Variants in CAND2 observed in about 807,000 individuals in gnomAD.
CAND2 encodes the protein cullin-associated NEDD8-dissociated protein 2.
A neutral mutation model predicts 98.9 loss-of-function variants in CAND2; 62 were observed. The ratio of observed to expected loss-of-function variants is 0.63; its 90% CI spans 0.51 to 0.77. CAND2 has a LOEUF of 0.77. Ranked by LOEUF, CAND2 falls within the 30% of genes least tolerant of loss-of-function variation. The pLI is 0.00. For synonymous variants in CAND2, 770 were observed against 731.9 expected (o/e 1.05, Z -0.84); for missense variants, 1,501 against 1,655.2 (o/e 0.91, Z 1.62).
chr3:12,825,483 G>A lies in CAND2; in HGVS notation c.3054G>A (p.Glu1018=). ...TTCTTCTGCCAGGAGAGTTCATGGAGAGCCTGCAGGACCCAGACCTGAACG... is the reference window on the plus strand; with the variant it reads ...TTCTTCTGCCAGGAGAGTTCATGGAAAGCCTGCAGGACCCAGACCTGAACG... ...LLKSFIGEFM[E]SLQDPDLNVR... is the part of the protein sequence containing the mutation. Residue 1018 remains glutamate (E), a synonymous_variant, in exon 12 of 15, where the codon GAG becomes GAA. Transcript: ENST00000456430. 6.4e-7 allele frequency: 1 copy of A among 1,555,778 alleles called. No individual in the cohort carries two copies. The highest frequency in any genetic ancestry group is 1.2e-5 in the South Asian group (1 of 84,352).
At chr3:12,816,260 AGTTT>A in intron 9 of CAND2, 110 bp from the exon 10 acceptor site, 4 of 1,079,000 alleles carry the variant, frequency 3.7e-6, no homozygotes, top group Middle Eastern at 4.3e-4. Context: ...TCTGCAGAAG[AGTTT>A]AGGTGCTTCA....
chr3:12,806,920 G>C (rs1424851982), intron 2 of CAND2, among the ~76,000 whole-genome samples: 2 of 152,200 alleles, frequency 1.3e-5, no homozygotes, highest in Non-Finnish European at 2.9e-5. Context: ...TCAACTGGGA[G>C]CTTGCTAGAA....
chr3:12,817,169 C>T lies in CAND2; in HGVS notation c.2237C>T (p.Ser746Leu), dbSNP rs781761931. 82 of 1,612,846 alleles carry T rather than the reference C, an allele frequency of 5.1e-5. No individual in the cohort carries two copies. The highest frequency in any genetic ancestry group is 2.5e-4 in the African/African-American group (19 of 74,952). Residue 746 changes from serine (S) to leucine (L), a missense_variant, in exon 10 of 15, where the codon TCG becomes TTG. By Grantham distance (145) the Ser-to-Leu change is moderately radical (BLOSUM62 -2). Around this residue, in one of 3 missense-constraint regions of CAND2, gnomAD observed 1,427 missense variants for 1,545.3 expected, o/e 0.92. Transcript: ENST00000456430. ...VLSELLRLLRSPLLPAGVLAA... is the reference protein window; with the variant it reads ...VLSELLRLLRLPLLPAGVLAA... ...TCAGAGCTGCTGCGGCTGCTGCGTTCGCCCCTGTTGCCAGCCGGGGTTCTG... is the reference window on the plus strand; with the variant it reads ...TCAGAGCTGCTGCGGCTGCTGCGTTTGCCCCTGTTGCCAGCCGGGGTTCTG...
rs1210005708 is a variant in CAND2, at chr3:12,815,386, G to C, written c.1252G>C (p.Glu418Gln). 6.2e-7 allele frequency: 1 copy of C among 1,613,796 alleles called. No homozygotes were observed. The highest frequency in any genetic ancestry group is 1.3e-5 in the African/African-American group (1 of 75,060). Residue 418 changes from glutamate (E) to glutamine (Q), a missense_variant, in exon 8 of 15, where the codon GAG becomes CAG. Around this residue, in one of 3 missense-constraint regions of CAND2, gnomAD observed 1,427 missense variants for 1,545.3 expected, o/e 0.92. Coordinates refer to ENST00000456430, the MANE Select transcript of CAND2 (RefSeq NM_001162499.2). This position sits in a 1 kb window ranked among gnomAD's most constrained non-coding sequence, Gnocchi z 5.7. The stretch of plus-strand genomic sequence containing the variant: ...CCCGAAGGGATGGCTGGAGGCCATG[G>C]AGGAACCCACCCAGACCGGCAGCAA... ...QPPKGWLEAM[E>Q]EPTQTGSNLH...
At chr3:12,814,887 A>C (rs1411540505) in intron 7 of CAND2, among the ~76,000 whole-genome samples, 12 of 152,130 alleles carry the variant, frequency 7.9e-5, no homozygotes, top group Non-Finnish European at 1.0e-4. Flanking sequence ...TATAATGGGG[A>C]AATAATCCCT....
intron 2 of CAND2, among the ~76,000 whole-genome samples, chr3:12,804,561 G>T (rs368490646): frequency 5.9e-5 from 9 of 152,154 alleles, no homozygotes; most frequent in Admixed American, 2.6e-4. Flanking sequence ...ATCCTGAGAC[G>T]TTGGCCAGTT....
Position 12,817,808 on chromosome 3 carries a change from G to A in CAND2, c.2876G>A (p.Cys959Tyr). ...EEGTRGVVAE[C>Y]IGKLVLVNPS... ...GGCACCCGGGGGGTGGTGGCCGAGT[G>A]CATTGGGAAGCTGGTCCTTGTGAAC... The change falls in exon 10 of 15, where the codon TGC becomes TAC. Residue 959 changes from cysteine (C) to tyrosine (Y), a missense_variant. Cys to Tyr is a radical substitution (Grantham distance 194). Coordinates refer to ENST00000456430, the MANE Select transcript of CAND2 (RefSeq NM_001162499.2). 6.6e-7 allele frequency: 1 copy of A among 1,524,774 alleles called. No individual in the cohort carries two copies. Among genetic ancestry groups the A allele is most frequent in the Non-Finnish European group, 8.8e-7 (1 of 1,138,646 alleles). The allele number at this position is 1,524,774 out of a possible 1,614,324, so 94.5% of individuals were successfully genotyped here. A position where few individuals can be genotyped will look rare whatever the true frequency, so the allele number is the denominator to read the frequency against.
intron 12 of CAND2, among the ~76,000 whole-genome samples, chr3:12,827,020 G>A (rs1305291935): frequency 2.0e-5 from 3 of 151,902 alleles, no homozygotes; most frequent in Middle Eastern, 3.4e-3. Context: ...TTTAGTAGAG[G>A]TGAAGTTTCG....
chr3:12,808,855 A>C (rs963116861), intron 4 of CAND2, among the ~76,000 whole-genome samples: 94 of 152,176 alleles, frequency 6.2e-4, no homozygotes, highest in Middle Eastern at 3.4e-3. Context: ...AGGCAGAGAC[A>C]GGGGAAGACT....
At chr3:12,810,411 GCCGCAGT>G in intron 5 of CAND2, 87 bp downstream of exon 5, 1 of 1,273,078 alleles carries the variant, frequency 7.9e-7, no homozygotes, top group Non-Finnish European at 1.0e-6. Context: ...CGGAGCTTGG[GCCGCAGT>G]GCAGCCAGGG....
intron 14 of CAND2, among the ~76,000 whole-genome samples, 198 bp downstream of exon 14, chr3:12,831,770 G>A (rs983968365): frequency 1.3e-5 from 2 of 152,246 alleles, no homozygotes; most frequent in African/African-American, 4.8e-5. Flanking sequence ...TTGAGAAGTT[G>A]TTATTGGCCA....
rs112283303 is a variant in CAND2 at position 12,827,629 on chromosome 3, C to G, written c.3375+25C>G. 5.4e-5 allele frequency: 86 copies of G among 1,586,874 alleles called. No homozygotes were observed. In the African/African-American group the frequency reaches 1.0e-3, roughly 19 times the overall value. On this transcript the variant is annotated intron_variant, in intron 13 of 14. Transcript: ENST00000456430. ...GGTAAGACCAAGCCCCCTGCCAGAT[C>G]TATGTGCCCCTGTACCAAGGGATAG...
chr3:12,810,345 G>A (rs1043422639), intron 5 of CAND2, 21 bp downstream of exon 5: 15 of 1,418,426 alleles, frequency 1.1e-5, no homozygotes, highest in African/African-American at 7.5e-5. Context: ...AGGGGGCGGG[G>A]CCTGGGCTGG....
At chr3:12,831,332 T>G in intron 13 of CAND2, 133 bp from the exon 14 acceptor site, 1 of 709,520 alleles carries the variant, frequency 1.4e-6, no homozygotes, top group African/African-American at 1.8e-5. Context: ...AGGGAGAGAC[T>G]CTGGCAGGAC....
At position 12,825,471 on chromosome 3, in the gene CAND2, A is replaced by T; in HGVS notation, c.3042A>T (p.Gly1014=). 1 of 1,552,684 alleles carries T rather than the reference A, an allele frequency of 6.4e-7. No homozygotes were observed. Among genetic ancestry groups the T allele is most frequent in the East Asian group, 2.4e-5 (1 of 41,254 alleles). Residue 1014 remains glycine, a splice_region_variant and synonymous_variant, in exon 12 of 15, where the codon GGA becomes GGT. Coordinates refer to ENST00000456430, the MANE Select transcript of CAND2 (RefSeq NM_001162499.2). The stretch of plus-strand genomic sequence containing the variant: ...ACGCCCCTCATGTTCTTCTGCCAGG[A>T]GAGTTCATGGAGAGCCTGCAGGACC... ...PIDPLLKSFI[G]EFMESLQDPD...
chr3:12,812,006 G>C (rs555942823), intron 5 of CAND2, among the ~76,000 whole-genome samples: 51 of 151,822 alleles, frequency 3.4e-4, no homozygotes, highest in African/African-American at 1.2e-3. Flanking sequence ...CCACCTCCCA[G>C]GTTCAAGCAA....
chr3:12,827,422 C>A lies in CAND2; in HGVS notation c.3211-18C>A. On this transcript the variant is annotated intron_variant, in intron 12 of 14. Coordinates refer to ENST00000456430, the MANE Select transcript of CAND2 (RefSeq NM_001162499.2). ...TTACACCCTGGGGCCATATCACCAA[C>A]CTTCATCCCTCCTGCAGGTGGAGAT... 6.2e-7 allele frequency: 1 copy of A among 1,608,330 alleles called. No homozygotes were observed.
intron 1 of CAND2, 121 bp from the exon 2 acceptor site, chr3:12,803,367 G>A: frequency 1.2e-6 from 1 of 849,798 alleles, no homozygotes; most frequent in Non-Finnish European, 1.7e-6. Context: ...ATGTGACACA[G>A]GACTGCATTT....
chr3:12,833,668 C>T, intron 14 of CAND2, 87 bp from the exon 15 acceptor site: 2 of 1,023,590 alleles, frequency 2.0e-6, no homozygotes, highest in South Asian at 1.4e-5. Flanking sequence ...GATGATGGGG[C>T]AGAGAGGAAG....
Sources: allele counts gnomAD v4.1 joint callset (sites outside exome capture counted in the v4.1 genomes callset), GRCh38; gene constraint gnomAD v4.1.1; regional missense constraint gnomAD v4.1.1; non-coding constraint Gnocchi (gnomAD v3.1); transcripts MANE v1.5; gene names NCBI Gene and HGNC (gene_info 2026-07-23, HGNC 2026-07-21).